HCN1: variants seen among roughly 807,000 people sequenced by gnomAD.
HCN1 encodes hyperpolarization activated cyclic nucleotide gated potassium channel 1.
In HCN1, 13 loss-of-function variants were observed where a neutral mutation model predicts 78.9. The ratio of observed to expected loss-of-function variants is 0.16; its 90% CI spans 0.11 to 0.26. The LOEUF (loss-of-function observed/expected upper bound fraction) is 0.26. Ranked by LOEUF, HCN1 falls within the 10% of genes least tolerant of loss-of-function variation. The pLI, the probability that HCN1 is intolerant of heterozygous loss-of-function variation, is 1.00. For synonymous variants in HCN1, 552 were observed against 455.5 expected (o/e 1.21, Z -2.70); for missense variants, 810 against 1,154.3 (o/e 0.70, Z 4.32).
intron 1 of HCN1, among the ~76,000 whole-genome samples, chr5:45,685,954 C>G (rs972424771): frequency 2.0e-5 from 3 of 151,996 alleles, no homozygotes; most frequent in African/African-American, 7.3e-5. Flanking sequence ...AACTAACATG[C>G]CTTAATTCTG....
intron 5 of HCN1, among the ~76,000 whole-genome samples, chr5:45,352,796 A>G (rs973406282): frequency 9.9e-5 from 15 of 152,048 alleles, no homozygotes; most frequent in Admixed American, 3.9e-4. Context: ...AAGAAGAATC[A>G]GTTTGATAAG....
chr5:45,333,848 G>A (rs62367529), intron 5 of HCN1, among the ~76,000 whole-genome samples: 1 of 151,648 alleles, frequency 6.6e-6, no homozygotes, highest in African/African-American at 2.4e-5. Context: ...GTGTACAAGG[G>A]TTCCCTTTTC....
chr5:45,275,185 G>A (rs1158587653), intron 6 of HCN1, among the ~76,000 whole-genome samples: 1 of 151,840 alleles, frequency 6.6e-6, no homozygotes, highest in Non-Finnish European at 1.5e-5. Flanking sequence ...TATGGAGGTT[G>A]CAGTGAGCTG....
rs539671370 is a variant in HCN1, at chr5:45,278,076, G to A, written c.1619-10823C>T. Among the ~76,000 whole-genome samples, 19 of 152,042 alleles carry A rather than the reference G, an allele frequency of 1.2e-4. No individual in the cohort carries two copies. The South Asian group carries it at 3.7e-3, about 30-fold the overall frequency. On this transcript the variant is annotated intron_variant, in intron 6 of 7. Coordinates refer to ENST00000303230, the MANE Select transcript of HCN1 (RefSeq NM_021072.4). ...TTTTCTTCCTGTGATCCCTTACAAT[G>A]CACTCTATCATCAGTTAATCTGATC...
At chr5:45,651,281 T>C (rs566637940) in intron 1 of HCN1, among the ~76,000 whole-genome samples, 10 of 152,132 alleles carry the variant, frequency 6.6e-5, no homozygotes, top group African/African-American at 9.6e-5. Flanking sequence ...ATATAGCACC[T>C]CTTTGGCTGA....
intron 4 of HCN1, among the ~76,000 whole-genome samples, chr5:45,370,997 A>C (rs1372922560): frequency 6.6e-6 from 1 of 152,098 alleles, no homozygotes; most frequent in African/African-American, 2.4e-5. Flanking sequence ...GGAGAAAAAT[A>C]TATCAAAGCT....
chr5:45,471,562 C>T (rs1449776909), intron 2 of HCN1, among the ~76,000 whole-genome samples: 1 of 151,840 alleles, frequency 6.6e-6, no homozygotes, highest in Non-Finnish European at 1.5e-5. Flanking sequence ...TAGATGTATT[C>T]CTTTACTCAC....
At chr5:45,373,966 T>TA (rs1747508450) in intron 4 of HCN1, among the ~76,000 whole-genome samples, 1 of 123,894 alleles carries the variant, frequency 8.1e-6, no homozygotes, top group African/African-American at 3.0e-5. Context: ...TATAATATAT[T>TA]ACATACAGTA....
At chr5:45,535,937 T>C (rs556321339) in intron 2 of HCN1, among the ~76,000 whole-genome samples, 2 of 152,202 alleles carry the variant, frequency 1.3e-5, no homozygotes, top group Non-Finnish European at 1.5e-5. Context: ...AAATTTCTTA[T>C]TCACTTTTAC....
chr5:45,322,834 C>T (rs1365232139), intron 5 of HCN1, among the ~76,000 whole-genome samples: 1 of 151,738 alleles, frequency 6.6e-6, no homozygotes, highest in African/African-American at 2.4e-5. Flanking sequence ...CCAAATGAGT[C>T]TCAAAATGGT....
intron 5 of HCN1, among the ~76,000 whole-genome samples, chr5:45,343,527 G>A (rs1579825145): frequency 6.6e-6 from 1 of 152,246 alleles, no homozygotes; most frequent in Non-Finnish European, 1.5e-5. Flanking sequence ...GATGTACAGA[G>A]CACAGAAAGA....
At chr5:45,353,379 G>A in intron 4 of HCN1, 133 bp from the exon 5 acceptor site, 1 of 685,874 alleles carries the variant, frequency 1.5e-6, no homozygotes, top group Non-Finnish European at 2.5e-6. Flanking sequence ...TTAAGATGAA[G>A]GAACTAATTT....
chr5:45,346,925 C>A (rs1321431342), intron 5 of HCN1, among the ~76,000 whole-genome samples: 1 of 152,246 alleles, frequency 6.6e-6, no homozygotes, highest in Non-Finnish European at 1.5e-5. Context: ...TAGGCTCCAC[C>A]TCTGGGGGCA....
At chr5:45,281,328 C>T (rs1487264936) in intron 6 of HCN1, among the ~76,000 whole-genome samples, 2 of 151,954 alleles carry the variant, frequency 1.3e-5, no homozygotes, top group East Asian at 3.9e-4. Flanking sequence ...CTCTCTCTCT[C>T]CTGCTCCACC....
intron 2 of HCN1, among the ~76,000 whole-genome samples, chr5:45,529,668 T>C (rs1742801074): frequency 6.6e-6 from 1 of 152,044 alleles, no homozygotes. Context: ...AAGTACCCAC[T>C]TGAATTTAAA....
At chr5:45,348,395 C>G (rs1746798709) in intron 5 of HCN1, among the ~76,000 whole-genome samples, 1 of 152,256 alleles carries the variant, frequency 6.6e-6, no homozygotes, top group African/African-American at 2.4e-5. Context: ...ACGACCGGTA[C>G]CAGCCACTGA....
At chr5:45,329,784 TC>T (rs1231801832) in intron 5 of HCN1, among the ~76,000 whole-genome samples, 1 of 151,422 alleles carries the variant, frequency 6.6e-6, no homozygotes, top group Non-Finnish European at 1.5e-5. Context: ...ATACCTGTCA[TC>T]CAGCAAGAAT....
intron 3 of HCN1, among the ~76,000 whole-genome samples, chr5:45,416,624 A>G (rs1330282485): frequency 6.6e-6 from 1 of 152,014 alleles, no homozygotes; most frequent in East Asian, 1.9e-4. Context: ...AGGCAAACGC[A>G]TAAATACACA....
intron 1 of HCN1, among the ~76,000 whole-genome samples, chr5:45,693,212 C>A (rs1274405629): frequency 2.0e-5 from 3 of 151,882 alleles, no homozygotes; most frequent in Non-Finnish European, 4.4e-5. Context: ...ATTATCTTGA[C>A]GTTATAGATT....
Sources: gnomAD v4.1 joint callset for allele counts (sites outside exome capture counted in the v4.1 genomes callset) on GRCh38, gnomAD v4.1.1 for gene constraint, MANE v1.5 for transcripts, NCBI Gene and HGNC (gene_info 2026-07-23, HGNC 2026-07-21) for gene names.